The following CPNE4 variants were observed in gnomAD, a reference collection of about 807,000 sequenced individuals.
The protein encoded by CPNE4 is copine 4.
A neutral mutation model predicts 67.9 loss-of-function variants in CPNE4; 25 were observed. The ratio of observed to expected loss-of-function variants is 0.37; its 90% CI spans 0.27 to 0.51. CPNE4 has a LOEUF of 0.51. CPNE4 is among the 20% of genes least tolerant of loss of function. The probability of loss-of-function intolerance (pLI) is 0.93; values close to 1 mark genes in which losing one functional copy is unlikely to be tolerated. For synonymous variants in CPNE4, 242 were observed against 244.9 expected, an observed-to-expected ratio of 0.99 and a Z score of 0.11; for missense variants, 464 against 690.8, an observed-to-expected ratio of 0.67 and a Z score of 3.68.
intron 7 of CPNE4, among the ~76,000 whole-genome samples, chr3:131,663,565 G>A (rs2080182818): frequency 1.3e-5 from 2 of 152,126 alleles, no homozygotes; most frequent in Admixed American, 1.3e-4. Flanking sequence ...CAAATGGCCT[G>A]TACCAGCATT....
At chr3:131,882,512 A>G (rs9877086) in intron 2 of CPNE4, among the ~76,000 whole-genome samples, 42,486 of 152,038 alleles carry the variant, frequency 0.28, 7,247 homozygotes, top group Non-Finnish European at 0.37. Context: ...TAATTTGTAA[A>G]GCTTACCCAA....
At chr3:131,939,955 C>T (rs953225419) in intron 1 of CPNE4, among the ~76,000 whole-genome samples, 1 of 152,102 alleles carries the variant, frequency 6.6e-6, no homozygotes, top group Non-Finnish European at 1.5e-5. Flanking sequence ...GTTGGAGTAA[C>T]TTGCCCTAAG....
At chr3:131,831,022 C>T (rs1361802826) in intron 2 of CPNE4, among the ~76,000 whole-genome samples, 1 of 151,706 alleles carries the variant, frequency 6.6e-6, no homozygotes, top group Non-Finnish European at 1.5e-5. Flanking sequence ...TTGAATTTTA[C>T]CTGTAGGACT....
chr3:131,619,277 T>C (rs1308264824), intron 7 of CPNE4, among the ~76,000 whole-genome samples: 2 of 152,198 alleles, frequency 1.3e-5, no homozygotes, highest in Admixed American at 1.3e-4. Flanking sequence ...GGGAGAGCTC[T>C]GAAAGCCTGT....
At chr3:131,659,230 A>G (rs1268660544) in intron 7 of CPNE4, among the ~76,000 whole-genome samples, 1 of 152,226 alleles carries the variant, frequency 6.6e-6, no homozygotes, top group Non-Finnish European at 1.5e-5. Context: ...AGTCCTGTCA[A>G]TTTGAATAAT....
At chr3:132,032,999 T>C (rs2074269097) in intron 1 of CPNE4, among the ~76,000 whole-genome samples, 2 of 152,232 alleles carry the variant, frequency 1.3e-5, no homozygotes, top group South Asian at 2.1e-4. Flanking sequence ...GGTGGGTGTT[T>C]GTTTTTTTGT....
At chr3:131,948,391 A>G (rs1402817090) in intron 1 of CPNE4, among the ~76,000 whole-genome samples, 1 of 152,180 alleles carries the variant, frequency 6.6e-6, no homozygotes, top group Non-Finnish European at 1.5e-5. Context: ...CTTTGCCTTC[A>G]GCCAAGATTG....
chr3:131,894,803 A>G (rs961444771), intron 2 of CPNE4, among the ~76,000 whole-genome samples: 1 of 151,978 alleles, frequency 6.6e-6, no homozygotes, highest in Non-Finnish European at 1.5e-5. Flanking sequence ...AATAGTATGA[A>G]GTTTCTCAAA....
intron 2 of CPNE4, among the ~76,000 whole-genome samples, chr3:131,789,035 CAGAGAG>C (rs71136414): frequency 4.4e-5 from 6 of 137,404 alleles, no homozygotes; most frequent in South Asian, 2.3e-4. Flanking sequence ...CACACACACA[CAGAGAG>C]AGAGAGAGAG....
intron 1 of CPNE4, among the ~76,000 whole-genome samples, chr3:131,982,549 C>T (rs535589732): frequency 6.6e-6 from 1 of 152,274 alleles, no homozygotes; most frequent in Admixed American, 6.5e-5. Flanking sequence ...ATCCCCTTTA[C>T]CAGGATTAGT....
intron 2 of CPNE4, among the ~76,000 whole-genome samples, chr3:131,773,075 C>T (rs1560281247): frequency 6.6e-6 from 1 of 151,980 alleles, no homozygotes; most frequent in Non-Finnish European, 1.5e-5. Flanking sequence ...ACATATTAGG[C>T]AATACAGAAT....
At chr3:131,663,069 C>T (rs572027654) in intron 7 of CPNE4, among the ~76,000 whole-genome samples, 1 of 152,120 alleles carries the variant, frequency 6.6e-6, no homozygotes, top group African/African-American at 2.4e-5. Flanking sequence ...CCCAAATGCC[C>T]ATTAATGATA....
At chr3:131,749,029 T>C (rs570123712) in intron 2 of CPNE4, among the ~76,000 whole-genome samples, 2 of 152,274 alleles carry the variant, frequency 1.3e-5, no homozygotes, top group East Asian at 3.9e-4. Flanking sequence ...GTTATTTTTC[T>C]AGGTTATTGA....
chr3:131,781,791 G>A (rs1261627829), intron 2 of CPNE4, among the ~76,000 whole-genome samples: 3 of 152,100 alleles, frequency 2.0e-5, no homozygotes, highest in South Asian at 2.1e-4. Flanking sequence ...AGATACTAAT[G>A]ACTTGTTTCC....
intron 1 of CPNE4, among the ~76,000 whole-genome samples, chr3:131,961,940 C>T (rs1224794293): frequency 2.0e-5 from 3 of 152,220 alleles, no homozygotes; most frequent in South Asian, 2.1e-4. Flanking sequence ...TACTTCCAAA[C>T]GTTTCTCAAC....
At chr3:131,706,167 C>T (rs1297351033) in intron 3 of CPNE4, among the ~76,000 whole-genome samples, 1 of 152,148 alleles carries the variant, frequency 6.6e-6, no homozygotes, top group African/African-American at 2.4e-5. Flanking sequence ...GTTCATAGGT[C>T]AGAAGATGCT....
At chr3:131,766,116 C>G (rs573695290) in intron 2 of CPNE4, among the ~76,000 whole-genome samples, 2 of 152,132 alleles carry the variant, frequency 1.3e-5, no homozygotes, top group East Asian at 3.9e-4. Flanking sequence ...GGGATAACCT[C>G]CGGCACCAGA....
chr3:131,704,390 C>T (rs530761444), intron 3 of CPNE4, among the ~76,000 whole-genome samples: 1 of 152,270 alleles, frequency 6.6e-6, no homozygotes, highest in South Asian at 2.1e-4. Flanking sequence ...TATCTCGGCT[C>T]TTTTGTCTCA....
At chr3:131,689,692 T>C (rs1399211177) in intron 5 of CPNE4, among the ~76,000 whole-genome samples, 1 of 152,168 alleles carries the variant, frequency 6.6e-6, no homozygotes, top group Non-Finnish European at 1.5e-5. Context: ...TCCTGTTCAA[T>C]ATAGTACTAA....
Sources: allele counts gnomAD v4.1 joint callset (sites outside exome capture counted in the v4.1 genomes callset), GRCh38; gene constraint gnomAD v4.1.1; transcripts MANE v1.5; gene names NCBI Gene and HGNC (gene_info 2026-07-23, HGNC 2026-07-21).